Variants in CPB2 observed in about 807,000 individuals in gnomAD.
CPB2 encodes carboxypeptidase B-like protein.
In CPB2, 54 loss-of-function variants were observed where a neutral mutation model predicts 57.0. That is an observed-to-expected ratio of 0.95 (90% confidence interval 0.76 to 1.19). The LOEUF (loss-of-function observed/expected upper bound fraction) is 1.19, where lower values mean the gene tolerates loss of function less well. CPB2 is among the 50% of genes most tolerant of loss of function. CPB2 has a pLI of 0.00. For missense variants in CPB2, 426 were observed against 512.0 expected (o/e 0.83, Z 1.62); for synonymous variants, 189 against 178.1 (o/e 1.06, Z -0.49).
At chr13:46,090,747 G>A (rs548429695) in intron 1 of CPB2, among the ~76,000 whole-genome samples, 45 of 147,916 alleles carry the variant, frequency 3.0e-4, no homozygotes, top group Non-Finnish European at 5.6e-4. Flanking sequence ...TTTTTGAGAC[G>A]GAGTCTCGCT....
intron 2 of CPB2, 135 bp downstream of exon 2, chr13:46,087,610 G>A: frequency 1.6e-6 from 1 of 640,278 alleles, no homozygotes; most frequent in Non-Finnish European, 2.7e-6. Context: ...ATGTGATTAT[G>A]AGAAGGGAGA....
chr13:46,064,797 A>G, intron 7 of CPB2, 56 bp from the exon 8 acceptor site: 1 of 1,376,590 alleles, frequency 7.3e-7, no homozygotes, highest in Non-Finnish European at 1.0e-6. Context: ...AGGCCTGAGG[A>G]AAGACATGCA....
At chr13:46,092,035 C>A (rs189246241) in intron 1 of CPB2, among the ~76,000 whole-genome samples, 7 of 152,234 alleles carry the variant, frequency 4.6e-5, no homozygotes, top group Non-Finnish European at 8.8e-5. Context: ...TCTGAGCCCC[C>A]CCTTTTTTTT....
rs1477804141 is a variant in CPB2, at chr13:46,067,393, C to A, written c.616G>T (p.Gly206Trp). The A allele has an allele frequency of 1.3e-6, 2 of 1,581,158 alleles. No homozygotes were observed. The highest frequency in any genetic ancestry group is 1.3e-5 in the African/African-American group (1 of 74,156). ...AGCCTCAGGAGATTGGTATATTGCC[C>A]TATTATCCCATAGAATTGAGTTATC... ...GHITQFYGII[G>W]QYTNLLRLVD... The change falls in exon 7 of 11, where the codon GGG (glycine) becomes TGG (tryptophan). Residue 206 changes from glycine (G) to tryptophan (W), a missense_variant. Gly to Trp is a radical substitution (Grantham distance 184). Transcript: ENST00000181383.
At chr13:46,081,665 G>A (rs1369770256) in intron 4 of CPB2, among the ~76,000 whole-genome samples, 1 of 152,052 alleles carries the variant, frequency 6.6e-6, no homozygotes, top group Non-Finnish European at 1.5e-5. Context: ...AATAGTTTCT[G>A]GGCACTTAGT....
chr13:46,060,190 C>G (rs17844124), intron 8 of CPB2, among the ~76,000 whole-genome samples: 25 of 152,006 alleles, frequency 1.6e-4, no homozygotes, highest in African/African-American at 4.8e-4. Context: ...AGGCCAGGCA[C>G]GGTGGCTCAC....
At chr13:46,099,576 A>T (rs1218146124) in intron 1 of CPB2, 1 of 152,232 alleles carries the variant, frequency 6.6e-6, no homozygotes, top group Non-Finnish European at 1.5e-5. Flanking sequence ...TTTCAAGTCC[A>T]TGTAGAGGAA....
chr13:46,096,133 G>A (rs147820505), intron 1 of CPB2: 43 of 151,882 alleles, frequency 2.8e-4, no homozygotes, highest in African/African-American at 8.0e-4. Flanking sequence ...CACACACCTC[G>A]GCCTCTCAAA....
intron 8 of CPB2, among the ~76,000 whole-genome samples, chr13:46,063,304 C>G (rs1179237519): frequency 6.6e-6 from 1 of 151,984 alleles, no homozygotes; most frequent in African/African-American, 2.4e-5. Flanking sequence ...ACTTTTTCAA[C>G]TCTTTCCCCT....
At chr13:46,065,689 G>T (rs143546660) in intron 7 of CPB2, among the ~76,000 whole-genome samples, 2 of 149,082 alleles carry the variant, frequency 1.3e-5, no homozygotes, top group South Asian at 4.2e-4. Context: ...AGTTTGGGAT[G>T]ATGTAGCACC....
At chr13:46,103,917 T>C (rs1196046564) in intron 1 of CPB2, among the ~76,000 whole-genome samples, 1 of 152,232 alleles carries the variant, frequency 6.6e-6, no homozygotes, top group Non-Finnish European at 1.5e-5. Context: ...CCACGTCAAT[T>C]AAATAACAAA....
At chr13:46,100,335 G>A (rs2045418651) in intron 1 of CPB2, 1 of 152,214 alleles carries the variant, frequency 6.6e-6, no homozygotes, top group South Asian at 2.1e-4. Flanking sequence ...TTTGAGCAAA[G>A]TGCTAACACA....
At position 46,080,421 on chromosome 13, in the gene CPB2, A is replaced by G. The variant is rs17844214; in HGVS notation, c.385-1520T>C. ...AGAAAATAATAGGGGCGGGGGTGCA[A>G]AGAGAAGCACAAGACATTTTCTATA... On this transcript the variant is annotated intron_variant, in intron 4 of 10. Coordinates refer to ENST00000181383, the MANE Select transcript of CPB2 (RefSeq NM_001872.5). Among the ~76,000 whole-genome samples the G allele has an allele frequency of 4.7e-3, 712 of 152,310 alleles. 4 individuals carry two copies. The highest frequency in any genetic ancestry group is 0.016 in the African/African-American group (658 of 41,562).
intron 2 of CPB2, among the ~76,000 whole-genome samples, chr13:46,087,183 G>A (rs1218382372): frequency 6.6e-6 from 1 of 152,220 alleles, no homozygotes. Context: ...CGCCTGGGGA[G>A]CATGAGGCTG....
intron 7 of CPB2, among the ~76,000 whole-genome samples, chr13:46,067,011 G>A (rs2139363806): frequency 6.6e-6 from 1 of 151,136 alleles, no homozygotes; most frequent in African/African-American, 2.4e-5. Flanking sequence ...GAAGTGATAT[G>A]GTACCTAGGA....
At chr13:46,077,654 G>C (rs1012315309) in intron 5 of CPB2, among the ~76,000 whole-genome samples, 6 of 151,728 alleles carry the variant, frequency 4.0e-5, no homozygotes, top group Admixed American at 3.3e-4. Flanking sequence ...ATTCACAATA[G>C]TCAAGATATA....
chr13:46,072,859 C>T (rs1457747010), intron 6 of CPB2, among the ~76,000 whole-genome samples: 8 of 152,192 alleles, frequency 5.3e-5, no homozygotes, highest in Admixed American at 4.6e-4. Context: ...CCAAACTACT[C>T]AACTTGGGGA....
intron 1 of CPB2, among the ~76,000 whole-genome samples, chr13:46,103,567 T>C (rs2045461757): frequency 1.3e-5 from 2 of 152,256 alleles, no homozygotes; most frequent in South Asian, 4.1e-4. Context: ...TCCTCCTTTG[T>C]AAAATGTCAG....
At chr13:46,090,669 C>A (rs1253176107) in intron 1 of CPB2, among the ~76,000 whole-genome samples, 1 of 148,866 alleles carries the variant, frequency 6.7e-6, no homozygotes, top group African/African-American at 2.5e-5. Context: ...GCCCATTTAT[C>A]TATTCTTTAA....
Sources: gnomAD v4.1 joint callset for allele counts (sites outside exome capture counted in the v4.1 genomes callset) on GRCh38, gnomAD v4.1.1 for gene constraint, MANE v1.5 for transcripts, NCBI Gene and HGNC (gene_info 2026-07-23, HGNC 2026-07-21) for gene names.